The following TSPEAR variants were observed in gnomAD, a reference collection of about 807,000 sequenced individuals.
TSPEAR encodes the protein thrombospondin type laminin G domain and EAR repeats, also known as thrombospondin-type laminin G domain and EAR repeat-containing protein.
TSPEAR carries 69 observed loss-of-function variants against 71.6 expected under a neutral mutation model. The observed-to-expected ratio is 0.96, with a 90% confidence interval of 0.79 to 1.18. TSPEAR has a LOEUF of 1.18. Ranked by LOEUF, TSPEAR falls within the 50% of genes most tolerant of loss-of-function variation. The pLI, the probability that TSPEAR is intolerant of heterozygous loss-of-function variation, is 0.00. For synonymous variants in TSPEAR, 402 were observed against 387.2 expected, an observed-to-expected ratio of 1.04 and a Z score of -0.45; for missense variants, 971 against 894.9, an observed-to-expected ratio of 1.09 and a Z score of -1.09.
intron 9 of TSPEAR, chr21:44,517,803 C>A (rs1555913661): frequency 1.7e-5 from 8 of 471,138 alleles, no homozygotes; most frequent in Non-Finnish European, 3.5e-5. Context: ...GATGGGAAAT[C>A]CCAGGCTGCC....
intron 2 of TSPEAR, chr21:44,550,447 C>T (rs1319682474): frequency 1.6e-5 from 11 of 676,930 alleles, no homozygotes; most frequent in East Asian, 5.6e-5. Flanking sequence ...CCCCAACCAG[C>T]GACCAGCGAC....
intron 9 of TSPEAR, among the ~76,000 whole-genome samples, chr21:44,511,505 C>A (rs117651318): frequency 6.6e-6 from 1 of 152,222 alleles, no homozygotes; most frequent in Admixed American, 6.5e-5. Flanking sequence ...TGCATGCAAC[C>A]ATGCATCTGT....
intron 2 of TSPEAR, among the ~76,000 whole-genome samples, chr21:44,536,767 G>A (rs1344109803): frequency 6.6e-6 from 1 of 152,158 alleles, no homozygotes; most frequent in Non-Finnish European, 1.5e-5. Context: ...CAAATGATGA[G>A]CTCATCTACA....
intron 1 of TSPEAR, among the ~76,000 whole-genome samples, chr21:44,700,130 T>C (rs1325010349): frequency 6.6e-6 from 1 of 151,252 alleles, no homozygotes; most frequent in Non-Finnish European, 1.5e-5. Flanking sequence ...TTCTACAGAA[T>C]TTTTTTTGGA....
chr21:44,513,079 G>A (rs922491890), intron 9 of TSPEAR, among the ~76,000 whole-genome samples: 2 of 152,210 alleles, frequency 1.3e-5, no homozygotes, highest in African/African-American at 4.8e-5. Context: ...AACATACTTT[G>A]GCAAAAAGAA....
chr21:44,682,212 A>C, intron 1 of TSPEAR: 2 of 1,461,362 alleles, frequency 1.4e-6, no homozygotes, highest in Non-Finnish European at 1.9e-6. Flanking sequence ...GGACCCAGGC[A>C]TCCCCACAGC....
At chr21:44,531,171 A>G in intron 3 of TSPEAR, 38 bp from the exon 4 acceptor site, 2 of 1,544,568 alleles carry the variant, frequency 1.3e-6, no homozygotes, top group South Asian at 2.3e-5. Context: ...GCCATAGGAG[A>G]GTGGTCACCC....
rs1047067840 is a variant in TSPEAR, at chr21:44,703,394, G to A, written c.82+8039C>T. Among the ~76,000 whole-genome samples the A allele has an allele frequency of 2.0e-5, 3 of 152,228 alleles. No homozygotes were observed. In the South Asian group the frequency reaches 6.2e-4, roughly 31 times the overall value. On this transcript the variant is annotated intron_variant, in intron 1 of 11. Transcript: ENST00000323084. ...GGTGATGTCTCTGATGGCACATCTG[G>A]CCAGAGGGCTCCTTGGCAGGAGGGG...
intron 10 of TSPEAR, chr21:44,508,619 C>T (rs2052264632): frequency 2.5e-6 from 3 of 1,182,182 alleles, no homozygotes; most frequent in Admixed American, 3.6e-5. Flanking sequence ...ATGTGGTGCC[C>T]ACGCAACCTC....
chr21:44,564,473 T>C (rs1428141712), intron 2 of TSPEAR, among the ~76,000 whole-genome samples: 1 of 152,086 alleles, frequency 6.6e-6, no homozygotes, highest in Non-Finnish European at 1.5e-5. Flanking sequence ...CATGAGAAAA[T>C]TGGAGTAGCC....
chr21:44,646,940 G>A (rs1984444289), intron 1 of TSPEAR: 2 of 1,610,538 alleles, frequency 1.2e-6, no homozygotes, highest in Non-Finnish European at 1.7e-6. Context: ...GTGTCCACCT[G>A]CTCTGAGGAT....
chr21:44,601,834 T>C, intron 1 of TSPEAR: 1 of 1,475,772 alleles, frequency 6.8e-7, no homozygotes, highest in Non-Finnish European at 9.1e-7. Flanking sequence ...TCCTAAGCCC[T>C]GCAGTGGACG....
intron 1 of TSPEAR, among the ~76,000 whole-genome samples, chr21:44,617,106 C>A (rs1485572416): frequency 6.6e-6 from 1 of 152,184 alleles, no homozygotes; most frequent in Non-Finnish European, 1.5e-5. Context: ...ACTCATGCCT[C>A]CCCCAGCTCA....
In TSPEAR at chr21:44,520,656, G is replaced by A. The variant is rs1410199024; in HGVS notation, c.1566+1227C>T. 1 of 152,304 alleles carries A rather than the reference G, an allele frequency of 6.6e-6. No homozygotes were observed. The highest frequency in any genetic ancestry group is 1.5e-5 in the Non-Finnish European group (1 of 68,104). 9.4% of individuals were successfully genotyped at this position (152,304 alleles called of 1,614,324 possible). On this transcript the variant is annotated intron_variant, in intron 9 of 11. Coordinates refer to ENST00000323084, the MANE Select transcript of TSPEAR (RefSeq NM_144991.3). The surrounding 1 kb of genome is among the most constrained non-coding windows in gnomAD (Gnocchi z 4.2). ...AAGCTGCTCTTACTCCTGCTGGGTG[G>A]AGGGGCTCCAGGAACCTGCGACTGC...
rs59361232 is a variant in TSPEAR at position 44,581,127 on chromosome 21, T to G, written c.83-13122A>C. On this transcript the variant is annotated intron_variant, in intron 1 of 11. Coordinates refer to ENST00000323084, the MANE Select transcript of TSPEAR (RefSeq NM_144991.3). ...AACCCCTTGTGCCTCGTAAGGGGAATGCTCAGAGATTTGGTATCTGGTGGA... is the reference window on the plus strand; with the variant it reads ...AACCCCTTGTGCCTCGTAAGGGGAAGGCTCAGAGATTTGGTATCTGGTGGA... Among the ~76,000 whole-genome samples the G allele has an allele frequency of 3.7e-3, 558 of 152,278 alleles. 7 individuals are homozygous for G. Among genetic ancestry groups the G allele is most frequent in the Middle Eastern group, 0.017 (5 of 294 alleles).
rs1986333235 is a variant in TSPEAR at position 44,676,809 on chromosome 21, T to C, written c.82+34624A>G. The C allele has an allele frequency of 1.1e-5, 10 of 933,488 alleles. No homozygotes were observed. In the East Asian group the frequency reaches 2.4e-4, roughly 22 times the overall value. 57.8% of individuals were successfully genotyped at this position (933,488 alleles called of 1,614,324 possible). Reference sequence around the variant, plus strand: ...ATGCTTTTGCTACTACAGAGTCAAATGCCCACTTTTCTTCCAGCGTTTGTT... The same window carrying C: ...ATGCTTTTGCTACTACAGAGTCAAACGCCCACTTTTCTTCCAGCGTTTGTT... On this transcript the variant is annotated intron_variant, in intron 1 of 11. Coordinates refer to ENST00000323084, the MANE Select transcript of TSPEAR (RefSeq NM_144991.3).
In TSPEAR at chr21:44,627,361, C is replaced by T. The variant is rs782757207; in HGVS notation, c.83-59356G>A. On this transcript the variant is annotated intron_variant, in intron 1 of 11. Coordinates refer to ENST00000323084, the MANE Select transcript of TSPEAR (RefSeq NM_144991.3). ...CCCCTGCTGCCAGGTGACCTGTGAG[C>T]CCAGCCCCTGCCAATCAGGCTGCAC... The T allele has an allele frequency of 2.1e-5, 34 of 1,613,558 alleles. No individual in the cohort carries two copies. The highest frequency in any genetic ancestry group is 2.6e-5 in the Non-Finnish European group (31 of 1,179,966).
At chr21:44,637,973 C>A (rs199609167) in intron 1 of TSPEAR, 74 of 1,613,940 alleles carry the variant, frequency 4.6e-5, no homozygotes, top group Middle Eastern at 1.6e-4. Flanking sequence ...CTGCTGCAGA[C>A]CCTCCTCCTC....
chr21:44,579,266 T>A (rs1373248606), intron 1 of TSPEAR, among the ~76,000 whole-genome samples: 6 of 152,086 alleles, frequency 3.9e-5, no homozygotes, highest in Admixed American at 6.5e-5. Flanking sequence ...GACCCAGGCA[T>A]GGAGGCTGAG....
Sources: allele counts gnomAD v4.1 joint callset (sites outside exome capture counted in the v4.1 genomes callset), GRCh38; gene constraint gnomAD v4.1.1; non-coding constraint Gnocchi (gnomAD v3.1); transcripts MANE v1.5; gene names NCBI Gene and HGNC (gene_info 2026-07-23, HGNC 2026-07-21).